The following CDC42BPB variants were observed in gnomAD, a reference collection of about 807,000 sequenced individuals.
CDC42BPB encodes serine/threonine-protein kinase MRCK beta.
In CDC42BPB, 37 loss-of-function variants were observed where a neutral mutation model predicts 214.9. That is an observed-to-expected ratio of 0.17 (90% confidence interval 0.13 to 0.23). The LOEUF (loss-of-function observed/expected upper bound fraction) is 0.23. CDC42BPB is among the 10% of genes least tolerant of loss of function. CDC42BPB has a pLI of 1.00. For synonymous variants in CDC42BPB, 931 were observed against 884.0 expected, an observed-to-expected ratio of 1.05 and a Z score of -0.94; for missense variants, 1,694 against 2,227.0, an observed-to-expected ratio of 0.76 and a Z score of 4.82.
chr14:102,957,988 G>A (rs146740418), intron 21 of CDC42BPB, among the ~76,000 whole-genome samples: 228 of 152,342 alleles, frequency 1.5e-3, no homozygotes, highest in Non-Finnish European at 2.5e-3. Context: ...AACCCAGAGT[G>A]GACATTCTGC....
intron 1 of CDC42BPB, among the ~76,000 whole-genome samples, chr14:103,021,951 G>A (rs17101204): frequency 0.034 from 5,166 of 152,286 alleles, 273 homozygotes; most frequent in African/African-American, 0.12. Context: ...GGACGCTGGA[G>A]TTGCCTGCAT....
At chr14:103,031,307 C>A (rs1312083727) in intron 1 of CDC42BPB, among the ~76,000 whole-genome samples, 1 of 152,110 alleles carries the variant, frequency 6.6e-6, no homozygotes, top group Non-Finnish European at 1.5e-5. Context: ...CTTCTGATTT[C>A]ATGAAAGTAA....
intron 15 of CDC42BPB, 48 bp from the exon 16 acceptor site, chr14:102,968,406 A>G (rs1397337489): frequency 6.2e-7 from 1 of 1,611,908 alleles, no homozygotes; most frequent in East Asian, 2.2e-5. Flanking sequence ...AACTTCACTG[A>G]TATTCGTATC....
intron 7 of CDC42BPB, 120 bp downstream of exon 7, chr14:102,983,436 C>T (rs2269322): frequency 0.4 from 586,229 of 1,456,404 alleles, 122,282 homozygotes; most frequent in East Asian, 0.49. Context: ...GTCCAAACCC[C>T]GTCACCTCTT....
Position 102,976,003 on chromosome 14 carries a change from T to C in CDC42BPB, c.1267A>G (p.Thr423Ala). Residue 423 changes from threonine to alanine, a missense_variant, in exon 10 of 37, where the codon ACA becomes GCA. Transcript: ENST00000361246. ...GSLKSIMQSN[T>A]LTKDEDVQRD... Reference sequence around the variant, plus strand: ...TGCACATCCTCATCTTTGGTTAATGTGTTGGACTGCATTATGCTCTTCAGA... The same window carrying C: ...TGCACATCCTCATCTTTGGTTAATGCGTTGGACTGCATTATGCTCTTCAGA... 6.2e-7 allele frequency: 1 copy of C among 1,614,258 alleles called. No individual in the cohort carries two copies. The highest frequency in any genetic ancestry group is 8.5e-7 in the Non-Finnish European group (1 of 1,180,048).
intron 5 of CDC42BPB, among the ~76,000 whole-genome samples, chr14:102,993,581 A>G (rs578083330): frequency 1.3e-5 from 2 of 151,966 alleles, no homozygotes; most frequent in South Asian, 4.2e-4. Context: ...ATGAAGACCA[A>G]CACTCCTGGA....
intron 4 of CDC42BPB, 23 bp from the exon 5 acceptor site, chr14:102,999,736 G>C: frequency 3.7e-6 from 6 of 1,613,972 alleles, no homozygotes; most frequent in Non-Finnish European, 5.1e-6. Flanking sequence ...AAGAGAAGGG[G>C]AGAGAATACC....
chr14:102,973,827 C>T (rs548587774), intron 12 of CDC42BPB, among the ~76,000 whole-genome samples, 189 bp downstream of exon 12: 11 of 152,332 alleles, frequency 7.2e-5, no homozygotes, highest in Middle Eastern at 3.4e-3. Context: ...TGCCAGCCGA[C>T]GCGGGGGCTG....
At chr14:103,013,969 T>C (rs1394338977) in intron 1 of CDC42BPB, among the ~76,000 whole-genome samples, 2 of 152,044 alleles carry the variant, frequency 1.3e-5, no homozygotes, top group East Asian at 3.9e-4. Flanking sequence ...ATCAAGACCA[T>C]CCTGGCTAAC....
Position 102,975,958 on chromosome 14 carries a change from G to C in CDC42BPB, c.1312C>G (p.Leu438Val). The change falls in exon 10 of 37, where the codon CTG (leucine) becomes GTG (valine). Residue 438 changes from leucine (L) to valine (V), a missense_variant. Transcript: ENST00000361246. ...CTCCTCTCGTAAGCTTCCATCTGCA[G>C]GCTGTGCTCCAGGTCCCGCTGCACA... ...EDVQRDLEHSLQMEAYERRIR... is the reference protein window; with the variant it reads ...EDVQRDLEHSVQMEAYERRIR... 6.2e-7 allele frequency: 1 copy of C among 1,614,228 alleles called. No homozygotes were observed. Among genetic ancestry groups the C allele is most frequent in the Non-Finnish European group, 8.5e-7 (1 of 1,180,030 alleles).
At chr14:102,978,829 A>T (rs1010207934) in intron 8 of CDC42BPB, among the ~76,000 whole-genome samples, 5 of 152,184 alleles carry the variant, frequency 3.3e-5, no homozygotes, top group Non-Finnish European at 7.3e-5. Flanking sequence ...CAACATGGTG[A>T]AACCCCGTCT....
intron 17 of CDC42BPB, 118 bp downstream of exon 17, chr14:102,966,928 C>T: frequency 8.0e-7 from 1 of 1,242,570 alleles, no homozygotes; most frequent in Non-Finnish European, 1.1e-6. Context: ...GAGACCTGCA[C>T]CCCAGCCTGA....
intron 15 of CDC42BPB, 29 bp downstream of exon 15, chr14:102,968,443 T>A: frequency 6.2e-7 from 1 of 1,613,634 alleles, no homozygotes; most frequent in Middle Eastern, 1.6e-4. Flanking sequence ...GCTTGCATCT[T>A]CTGAACTGAG....
Position 102,980,991 on chromosome 14 carries a change from C to A in CDC42BPB, c.922G>T (p.Asp308Tyr). 1 of 1,614,172 alleles carries A rather than the reference C, an allele frequency of 6.2e-7. No homozygotes were observed. The highest frequency in any genetic ancestry group is 8.5e-7 in the Non-Finnish European group (1 of 1,180,050). ...ERFQFPSHVT[D>Y]VSEEAKDLIQ... ...AGGTCCTTCGCTTCTTCAGATACAT[C>A]CGTGACATGGGATGGGAACTGGAAT... The change falls in exon 8 of 37, where the codon GAT (aspartate) becomes TAT (tyrosine). Residue 308 changes from aspartate to tyrosine, a missense_variant. Coordinates refer to ENST00000361246, the MANE Select transcript of CDC42BPB (RefSeq NM_006035.4).
chr14:103,009,414 A>G (rs1886030002), intron 2 of CDC42BPB, among the ~76,000 whole-genome samples: 1 of 152,198 alleles, frequency 6.6e-6, no homozygotes. Flanking sequence ...TCTAAAATCC[A>G]TCTTGTACAG....
At position 103,001,814 on chromosome 14, in the gene CDC42BPB, C is replaced by T. The variant is rs1366620698; in HGVS notation, c.448-2101G>A. 1.3e-5 allele frequency among the ~76,000 whole-genome samples: 2 copies of T among 152,090 alleles called. No homozygotes were observed. The highest frequency in any genetic ancestry group is 4.8e-5 in the African/African-American group (2 of 41,404). ...CGAGTCAAGCCCTTACTAGCTGAGC[C>T]CCAGCCGCGTCCACGTCTGCCGAGA... On this transcript the variant is annotated intron_variant, in intron 4 of 36. Coordinates refer to ENST00000361246, the MANE Select transcript of CDC42BPB (RefSeq NM_006035.4). The surrounding 1 kb of genome is among the most constrained non-coding windows in gnomAD (Gnocchi z 5.8).
At chr14:102,938,489 G>A (rs1411073545) in intron 34 of CDC42BPB, 78 bp from the exon 35 acceptor site, 14 of 1,491,178 alleles carry the variant, frequency 9.4e-6, no homozygotes, top group Non-Finnish European at 1.2e-5. Flanking sequence ...GCAACCTACG[G>A]TGGCTGTGGC....
chr14:102,966,133 T>C (rs1893191041), intron 18 of CDC42BPB, 149 bp downstream of exon 18: 3 of 560,422 alleles, frequency 5.4e-6, no homozygotes, highest in Non-Finnish European at 9.6e-6. Context: ...AGCTGGCAAA[T>C]GTTGGCGTTC....
intron 1 of CDC42BPB, among the ~76,000 whole-genome samples, chr14:103,038,857 A>C: frequency 6.6e-6 from 1 of 152,114 alleles, no homozygotes; most frequent in Admixed American, 6.6e-5. Flanking sequence ...TACGTAACAT[A>C]AAATGTACAA....
Sources: allele counts gnomAD v4.1 joint callset (sites outside exome capture counted in the v4.1 genomes callset), GRCh38; gene constraint gnomAD v4.1.1; non-coding constraint Gnocchi (gnomAD v3.1); transcripts MANE v1.5; gene names NCBI Gene and HGNC (gene_info 2026-07-23, HGNC 2026-07-21).